The following TNRC6B variants were observed in gnomAD, a reference collection of about 807,000 sequenced individuals.
TNRC6B encodes the protein trinucleotide repeat-containing gene 6B protein.
In TNRC6B, 52 loss-of-function variants were observed where a neutral mutation model predicts 203.6. That is an observed-to-expected ratio of 0.26 (90% CI 0.20 to 0.32). The LOEUF (loss-of-function observed/expected upper bound fraction) is 0.32, where lower values mean the gene tolerates loss of function less well. Among genes scored for constraint, TNRC6B ranks in the 10% least tolerant of loss-of-function variants. TNRC6B has a pLI of 1.00. For synonymous variants in TNRC6B, 838 were observed against 845.7 expected, an observed-to-expected ratio of 0.99 and a Z score of 0.16; for missense variants, 1,923 against 2,286.2, an observed-to-expected ratio of 0.84 and a Z score of 3.24.
At chr22:40,175,359 AAT>A (rs1222907408), upstream of TNRC6B, among the ~76,000 whole-genome samples, 2 of 151,516 alleles carry the variant, frequency 1.3e-5, no homozygotes, top group African/African-American at 2.4e-5. Flanking sequence ...TCTGTCTCAA[AAT>A]ATATATATAT....
intron 1 of TNRC6B, among the ~76,000 whole-genome samples, chr22:40,057,262 T>A (rs1232246053): frequency 6.6e-6 from 1 of 152,040 alleles, no homozygotes; most frequent in East Asian, 1.9e-4. Flanking sequence ...GGTGTTGATT[T>A]ATTAAATGTG....
At chr22:40,189,015 C>A (rs2146391052) in intron 1 of TNRC6B, among the ~76,000 whole-genome samples, 1 of 152,250 alleles carries the variant, frequency 6.6e-6, no homozygotes, top group South Asian at 2.1e-4. Flanking sequence ...AGCATATGAT[C>A]CCCACTTTTG....
At chr22:40,179,206 G>C (rs1388266591) in intron 1 of TNRC6B, among the ~76,000 whole-genome samples, 1 of 152,148 alleles carries the variant, frequency 6.6e-6, no homozygotes, top group Non-Finnish European at 1.5e-5. Context: ...CCTGAGAGCA[G>C]GGAGGAAAGA....
At chr22:40,170,407 A>G (rs1199078807) in intron 4 of TNRC6B, among the ~76,000 whole-genome samples, 1 of 34,788 alleles carries the variant, frequency 2.9e-5, no homozygotes, top group Non-Finnish European at 4.1e-5. Flanking sequence ...TATATTATAT[A>G]TATAGTTTAT....
rs1322587165 is a variant in TNRC6B at position 40,334,084 on chromosome 22, G to C, written c.*10843G>C. The C allele has an allele frequency of 6.6e-6, 1 of 152,544 alleles. No individual in the cohort carries two copies. Among genetic ancestry groups the C allele is most frequent in the East Asian group, 1.9e-4 (1 of 5,176 alleles). The allele number at this position is 152,544 out of a possible 1,614,324, so 9.4% of individuals were successfully genotyped here. On this transcript the variant is annotated 3_prime_UTR_variant, in exon 23 of 23. Transcript: ENST00000454349. ...GAATTTTATTTATTTTGTTTATCTG[G>C]AGGCCCTTTTTCTATCAGTCTCTGA...
chr22:40,055,192 G>A (rs932524104), intron 1 of TNRC6B, among the ~76,000 whole-genome samples: 1 of 152,194 alleles, frequency 6.6e-6, no homozygotes, highest in Non-Finnish European at 1.5e-5. Context: ...AGCCAGGTGG[G>A]TGAGACAGAT....
At chr22:40,158,655 T>TA (rs2068841754) in intron 4 of TNRC6B, among the ~76,000 whole-genome samples, 2 of 152,192 alleles carry the variant, frequency 1.3e-5, no homozygotes, top group Non-Finnish European at 2.9e-5. Flanking sequence ...CCATGTGTCG[T>TA]ATCCTTACCA....
exon 1 of TNRC6B, chr22:40,044,936 C>G (rs538226005): frequency 4.6e-5 from 7 of 152,422 alleles, no homozygotes; most frequent in Admixed American, 3.9e-4. Flanking sequence ...TGCGGAGAAG[C>G]GGAGACTGCG....
chr22:40,285,685 C>G lies in TNRC6B; in HGVS notation c.3623C>G (p.Ser1208Trp). Residue 1208 changes from serine to tryptophan, a missense_variant, in exon 12 of 23, where the codon TCG (serine) becomes TGG (tryptophan). Ser to Trp is a radical substitution (Grantham distance 177, BLOSUM62 -3). Transcript: ENST00000454349. ...HGLFGNSTAQ[S>W]RGLHTPVQPL... ...TTGTTTGGAAACAGCACAGCACAATCGAGAGGTCTGCACACACCCGTGCAG... is the reference window on the plus strand; with the variant it reads ...TTGTTTGGAAACAGCACAGCACAATGGAGAGGTCTGCACACACCCGTGCAG... 2 of 1,613,940 alleles carry G rather than the reference C, an allele frequency of 1.2e-6. No individual in the cohort carries two copies. Among genetic ancestry groups the G allele is most frequent in the Non-Finnish European group, 1.7e-6 (2 of 1,179,878 alleles).
chr22:40,163,274 C>G (rs968836286), intron 4 of TNRC6B, among the ~76,000 whole-genome samples: 2 of 149,714 alleles, frequency 1.3e-5, no homozygotes, highest in East Asian at 3.9e-4. Flanking sequence ...ATTAGCTGAG[C>G]GTGTTGTTGT....
chr22:40,239,159 C>T (rs568441396), intron 1 of TNRC6B, among the ~76,000 whole-genome samples: 6 of 151,776 alleles, frequency 4.0e-5, no homozygotes, highest in Non-Finnish European at 7.4e-5. Flanking sequence ...GCTGAGATTG[C>T]GCCACGGCAC....
At chr22:40,229,664 A>G (rs2069840442) in intron 1 of TNRC6B, among the ~76,000 whole-genome samples, 1 of 152,090 alleles carries the variant, frequency 6.6e-6, no homozygotes, top group African/African-American at 2.4e-5. Context: ...TTCTGTCACC[A>G]TAGATTAGTT....
chr22:40,249,014 T>C (rs184664082), intron 2 of TNRC6B, among the ~76,000 whole-genome samples: 18 of 152,358 alleles, frequency 1.2e-4, no homozygotes, highest in African/African-American at 4.3e-4. Context: ...TAAAATGTGC[T>C]ATGATGCAAA....
At chr22:40,071,067 T>A (rs926215514) in intron 1 of TNRC6B, among the ~76,000 whole-genome samples, 1 of 152,222 alleles carries the variant, frequency 6.6e-6, no homozygotes, top group Non-Finnish European at 1.5e-5. Context: ...CTATTTACTT[T>A]CTTAGCTCTA....
chr22:40,210,526 C>A lies in TNRC6B; in HGVS notation c.5+32386C>A, dbSNP rs17001705. The stretch of plus-strand genomic sequence containing the variant: ...TTCTCTATTCATTGAAAACTGTTAA[C>A]ACTTTGGTAAAAATTATTTTCTTTA... On this transcript the variant is annotated intron_variant, in intron 1 of 22. Transcript: ENST00000454349. Among the ~76,000 whole-genome samples the A allele has an allele frequency of 6.2e-3, 951 of 152,276 alleles. 13 individuals carry two copies. Among genetic ancestry groups the A allele is most frequent in the African/African-American group, 0.022 (911 of 41,548 alleles).
At chr22:40,222,728 C>CTCTTTTTTTTTTTTTTTTTTTTTTTT (rs2069728214) in intron 1 of TNRC6B, among the ~76,000 whole-genome samples, 1 of 40,184 alleles carries the variant, frequency 2.5e-5, no homozygotes, top group African/African-American at 1.3e-4. Context: ...CTCTCTCTCT[C>CTCTTTTTTTTTTTTTTTTTTTTTTTT]TTTTTTTTTT....
chr22:40,173,891 T>C (rs968707645), upstream of TNRC6B, among the ~76,000 whole-genome samples: 3 of 136,040 alleles, frequency 2.2e-5, no homozygotes, highest in Non-Finnish European at 3.1e-5. Flanking sequence ...GCAACCACCA[T>C]CTCCCAGGTT....
At chr22:40,280,181 G>A in intron 10 of TNRC6B, 38 bp downstream of exon 10, 1 of 1,589,976 alleles carries the variant, frequency 6.3e-7, no homozygotes, top group Non-Finnish European at 8.6e-7. Flanking sequence ...TAATTCATGA[G>A]AACCGCTTTG....
intron 3 of TNRC6B, among the ~76,000 whole-genome samples, chr22:40,136,324 G>A (rs985304241): frequency 2.0e-5 from 3 of 150,634 alleles, no homozygotes; most frequent in East Asian, 1.9e-4. Flanking sequence ...GAGCTGAGCC[G>A]TTGGGTGTCT....
Sources: gnomAD v4.1 joint callset for allele counts (sites outside exome capture counted in the v4.1 genomes callset) on GRCh38, gnomAD v4.1.1 for gene constraint, MANE v1.5 for transcripts, NCBI Gene and HGNC (gene_info 2026-07-23, HGNC 2026-07-21) for gene names.